Variants in HEATR1 observed in about 807,000 individuals in gnomAD.
The protein encoded by HEATR1 is HEAT repeat containing 1.
HEATR1 carries 77 observed loss-of-function variants against 248.2 expected under a neutral mutation model. The observed-to-expected ratio is 0.31, with a 90% CI of 0.26 to 0.37. The LOEUF (loss-of-function observed/expected upper bound fraction) is 0.37, where lower values mean the gene tolerates loss of function less well. Ranked by LOEUF, HEATR1 falls within the 10% of genes least tolerant of loss-of-function variation. The probability of loss-of-function intolerance (pLI) is 1.00; values close to 1 mark genes in which losing one functional copy is unlikely to be tolerated. For missense variants in HEATR1, 2,420 were observed against 2,504.9 expected, an observed-to-expected ratio of 0.97 and a Z score of 0.72; for synonymous variants, 897 against 923.1, an observed-to-expected ratio of 0.97 and a Z score of 0.51.
Position 236,585,910 on chromosome 1 carries a change from T to C in HEATR1, c.1959A>G (p.Pro653=), listed in dbSNP as rs1176681978. 1.2e-6 allele frequency: 2 copies of C among 1,613,412 alleles called. No individual in the cohort carries two copies. Among genetic ancestry groups the C allele is most frequent in the Non-Finnish European group, 1.7e-6 (2 of 1,179,644 alleles). ...GATTTGCTACACCGATTAGTTTTCC[T>C]GGCTTTGTGCTTTTAATTACATTTT... ...ALENVIKSTK[P]GKLIGVANQK... is the part of the protein sequence containing the mutation. The change falls in exon 16 of 45, where the codon CCA becomes CCG. Residue 653 remains proline, a synonymous_variant. Coordinates refer to ENST00000366582, the MANE Select transcript of HEATR1 (RefSeq NM_018072.6).
intron 5 of HEATR1, 149 bp from the exon 6 acceptor site, chr1:236,597,125 C>CAAAA (rs59433755): frequency 1.2e-3 from 473 of 380,110 alleles, no homozygotes; most frequent in Non-Finnish European, 1.4e-3. Context: ...TCCATGTCTC[C>CAAAA]AAAAAAAAAA....
intron 19 of HEATR1, among the ~76,000 whole-genome samples, chr1:236,581,627 T>C (rs191373476): frequency 4.6e-4 from 70 of 152,294 alleles, no homozygotes; most frequent in African/African-American, 1.6e-3. Flanking sequence ...ACTATAACCT[T>C]GCACTTGAAA....
intron 20 of HEATR1, among the ~76,000 whole-genome samples, chr1:236,579,379 G>A (rs1663648432): frequency 6.6e-6 from 1 of 152,190 alleles, no homozygotes; most frequent in African/African-American, 2.4e-5. Context: ...CAGTCAAAAT[G>A]ACATATATGA....
chr1:236,565,890 ACAGT>A, intron 31 of HEATR1, 25 bp downstream of exon 31: 4 of 1,597,376 alleles, frequency 2.5e-6, no homozygotes, highest in Admixed American at 1.7e-5. Context: ...TTCAGATTGA[ACAGT>A]AAGTGACACC....
chr1:236,561,493 C>A (rs533441213), intron 32 of HEATR1, among the ~76,000 whole-genome samples: 1 of 152,178 alleles, frequency 6.6e-6, no homozygotes, highest in Non-Finnish European at 1.5e-5. Flanking sequence ...CTAAAAAGTA[C>A]TACAATGGTT....
chr1:236,583,644 G>C (rs568001979), intron 17 of HEATR1, among the ~76,000 whole-genome samples: 1 of 152,132 alleles, frequency 6.6e-6, no homozygotes, highest in Non-Finnish European at 1.5e-5. Flanking sequence ...CCGCCATCAT[G>C]CCTGGCTAAT....
At chr1:236,574,432 C>A in intron 23 of HEATR1, 99 bp from the exon 24 acceptor site, 2 of 1,405,974 alleles carry the variant, frequency 1.4e-6, no homozygotes, top group Non-Finnish European at 1.9e-6. Flanking sequence ...AAATTGTTTC[C>A]CACTTAATTT....
chr1:236,598,590 GTTAATGAGC>G (rs989846347), intron 4 of HEATR1, among the ~76,000 whole-genome samples: 10 of 152,170 alleles, frequency 6.6e-5, no homozygotes, highest in African/African-American at 2.4e-4. Flanking sequence ...GGGAAGAGCA[GTTAATGAGC>G]TTTATCAAAG....
intron 24 of HEATR1, among the ~76,000 whole-genome samples, 197 bp from the exon 25 acceptor site, chr1:236,573,025 A>T (rs971591900): frequency 3.9e-5 from 6 of 152,316 alleles, no homozygotes; most frequent in Non-Finnish European, 8.8e-5. Context: ...AGAAGAAAGC[A>T]AAGTAGGGAA....
At chr1:236,565,898 T>G (rs751291178) in intron 31 of HEATR1, 21 bp downstream of exon 31, 1 of 1,606,934 alleles carries the variant, frequency 6.2e-7, no homozygotes, top group South Asian at 1.1e-5. Flanking sequence ...GAACAGTAAG[T>G]GACACCCGAT....
Position 236,604,030 on chromosome 1 carries a change from A to G in HEATR1, c.66T>C (p.Ser22=), listed in dbSNP as rs10802551. 0.69 allele frequency: 1,101,315 copies of G among 1,594,474 alleles called. 385,794 individuals carry two copies. Among genetic ancestry groups the G allele is most frequent in the Admixed American group, 0.72 (40,394 of 55,772 alleles). The change falls in exon 2 of 45, where the codon TCT becomes TCC. Residue 22 remains serine, a synonymous_variant. Coordinates refer to ENST00000366582, the MANE Select transcript of HEATR1 (RefSeq NM_018072.6). ...ATAACAAAGAAGCAACTTCATCTCT[A>G]GATAAGAGGCTGGCATCACTTTGAG... ...ALPQSDASLL[S]RDEVASLLFD... is the part of the protein sequence containing the mutation.
At chr1:236,558,954 G>T (rs1663050811) in intron 35 of HEATR1, 41 bp downstream of exon 35, 3 of 1,522,558 alleles carry the variant, frequency 2.0e-6, no homozygotes, top group Admixed American at 2.3e-5. Flanking sequence ...CTTTGATAAA[G>T]CAAAGTACAG....
chr1:236,550,410 C>T lies in HEATR1; in HGVS notation c.*492G>A, dbSNP rs1194340208. 1.3e-5 allele frequency: 2 copies of T among 152,382 alleles called. No homozygotes were observed. Among genetic ancestry groups the T allele is most frequent in the African/African-American group, 4.8e-5 (2 of 41,450 alleles). The allele number at this position is 152,382 out of a possible 1,614,324, so 9.4% of individuals were successfully genotyped here. A position where few individuals can be genotyped will look rare whatever the true frequency, so the allele number is the denominator to read the frequency against. Reference sequence around the variant, plus strand: ...CAAAGAAACGAAGGCTGAAGTTCGCCTACCCAAAATGAAAAGTAGGCTTTA... The same window carrying T: ...CAAAGAAACGAAGGCTGAAGTTCGCTTACCCAAAATGAAAAGTAGGCTTTA... On this transcript the variant is annotated 3_prime_UTR_variant, in exon 45 of 45. Coordinates refer to ENST00000366582, the MANE Select transcript of HEATR1 (RefSeq NM_018072.6).
At chr1:236,595,401 C>T (rs1166782540) in intron 8 of HEATR1, 139 bp downstream of exon 8, 1 of 651,990 alleles carries the variant, frequency 1.5e-6, no homozygotes, top group African/African-American at 1.9e-5. Context: ...ATGTTTCTCA[C>T]TTAAGAAATA....
intron 26 of HEATR1, 145 bp from the exon 27 acceptor site, chr1:236,571,831 T>C (rs1663435482): frequency 3.0e-6 from 2 of 658,306 alleles, no homozygotes; most frequent in Non-Finnish European, 5.3e-6. Context: ...ACATCAAGTC[T>C]AGAAATAAGA....
chr1:236,556,258 C>G lies in HEATR1; in HGVS notation c.5356G>C (p.Val1786Leu). Residue 1786 changes from valine to leucine, a missense_variant and splice_region_variant, in exon 38 of 45, where the codon GTG becomes CTG. Transcript: ENST00000366582. ...CTAGTGATTTTCTCCAGATGAATCA[C>G]CTACAGGAATATAAAAAAAGTGATC... Reference protein sequence around the residue: ...SPYLEGILSQVIHLEKITSEM... With the variant: ...SPYLEGILSQLIHLEKITSEM... 1 of 1,613,906 alleles carries G rather than the reference C, an allele frequency of 6.2e-7. No homozygotes were observed. The highest frequency in any genetic ancestry group is 8.5e-7 in the Non-Finnish European group (1 of 1,179,916).
At chr1:236,561,657 C>T (rs181572666) in intron 32 of HEATR1, among the ~76,000 whole-genome samples, 175 of 152,276 alleles carry the variant, frequency 1.1e-3, no homozygotes, top group Non-Finnish European at 2.0e-3. Flanking sequence ...CTCCCTCTAC[C>T]CCAAGCCCCA....
At chr1:236,578,029 T>TA (rs1344777624) in intron 20 of HEATR1, among the ~76,000 whole-genome samples, 1 of 152,200 alleles carries the variant, frequency 6.6e-6, no homozygotes, top group Admixed American at 6.5e-5. Flanking sequence ...AGAGAAATGT[T>TA]AGAGTCAAGT....
chr1:236,559,602 A>G lies in HEATR1; in HGVS notation c.4770+112T>C, dbSNP rs545966019. Reference sequence around the variant, plus strand: ...GTTTTCTAAGAAAAATCTGAGCTTCATTATATTCATAAAAGGAATTGCTAA... The same window carrying G: ...GTTTTCTAAGAAAAATCTGAGCTTCGTTATATTCATAAAAGGAATTGCTAA... On this transcript the variant is annotated intron_variant, in intron 34 of 44. Coordinates refer to ENST00000366582, the MANE Select transcript of HEATR1 (RefSeq NM_018072.6). 2.6e-3 allele frequency: 3,279 copies of G among 1,281,956 alleles called. 7 individuals carry two copies. The highest frequency in any genetic ancestry group is 3.2e-3 in the Non-Finnish European group (3,005 of 939,282). The allele number at this position is 1,281,956 out of a possible 1,614,324, so 79.4% of individuals were successfully genotyped here.
Sources: allele counts gnomAD v4.1 joint callset (sites outside exome capture counted in the v4.1 genomes callset), GRCh38; gene constraint gnomAD v4.1.1; transcripts MANE v1.5; gene names NCBI Gene and HGNC (gene_info 2026-07-23, HGNC 2026-07-21).